The following SYT1 variants were observed in gnomAD, a reference collection of about 807,000 sequenced individuals.
The protein encoded by SYT1 is synaptotagmin-1.
In SYT1, 8 loss-of-function variants were observed where a neutral mutation model predicts 44.8. The ratio of observed to expected loss-of-function variants is 0.18; its 90% confidence interval spans 0.10 to 0.32. The LOEUF (loss-of-function observed/expected upper bound fraction) is 0.32. SYT1 is among the 10% of genes least tolerant of loss of function. The probability of loss-of-function intolerance (pLI) is 1.00; values close to 1 mark genes in which losing one functional copy is unlikely to be tolerated. For synonymous variants in SYT1, 154 were observed against 188.8 expected (o/e 0.82, Z 1.51); for missense variants, 286 against 509.3 (o/e 0.56, Z 4.22).
chr12:79,321,856 A>G (rs1053578977), intron 8 of SYT1, among the ~76,000 whole-genome samples: 1 of 152,216 alleles, frequency 6.6e-6, no homozygotes, highest in Non-Finnish European at 1.5e-5. Context: ...AAACCAGTTC[A>G]TCATGTGTAA....
chr12:79,258,041 GT>G (rs1408398573), intron 4 of SYT1, among the ~76,000 whole-genome samples: 1 of 152,214 alleles, frequency 6.6e-6, no homozygotes, highest in East Asian at 1.9e-4. Context: ...AAAATCAACT[GT>G]TTAGATGAAG....
chr12:79,136,194 C>T (rs1446348667), intron 3 of SYT1, among the ~76,000 whole-genome samples: 3 of 152,156 alleles, frequency 2.0e-5, no homozygotes, highest in African/African-American at 4.8e-5. Context: ...GTAGAATAGA[C>T]ATCCTTTCAG....
intron 4 of SYT1, among the ~76,000 whole-genome samples, chr12:79,252,186 C>G (rs1205391373): frequency 1.3e-5 from 2 of 152,100 alleles, no homozygotes; most frequent in African/African-American, 4.8e-5. Flanking sequence ...CAAGAACCTA[C>G]TCTGAGATTT....
intron 9 of SYT1, among the ~76,000 whole-genome samples, chr12:79,376,555 T>C (rs1477214316): frequency 6.6e-6 from 1 of 152,172 alleles, no homozygotes; most frequent in Admixed American, 6.5e-5. Context: ...ACCTGTATTT[T>C]ATGCTGACCT....
chr12:79,219,683 T>C (rs560271325), intron 4 of SYT1, among the ~76,000 whole-genome samples: 9 of 152,196 alleles, frequency 5.9e-5, no homozygotes, highest in African/African-American at 1.7e-4. Flanking sequence ...CTGGGTTCTC[T>C]TTCTGTTTCA....
intron 3 of SYT1, among the ~76,000 whole-genome samples, chr12:79,099,230 C>T (rs905468894): frequency 6.6e-6 from 1 of 152,054 alleles, no homozygotes; most frequent in Non-Finnish European, 1.5e-5. Flanking sequence ...ACTAAATACT[C>T]CCTACAATTA....
At chr12:79,359,766 CT>C (rs553088621) in intron 9 of SYT1, among the ~76,000 whole-genome samples, 69 of 152,172 alleles carry the variant, frequency 4.5e-4, no homozygotes, top group Middle Eastern at 3.4e-3. Context: ...TCTCTAGCTC[CT>C]TTTCTACTGT....
chr12:79,154,956 A>G (rs909350168), intron 3 of SYT1, among the ~76,000 whole-genome samples: 2 of 152,160 alleles, frequency 1.3e-5, no homozygotes, highest in Non-Finnish European at 2.9e-5. Context: ...CTACTCCCAC[A>G]TGAAACAGCC....
intron 3 of SYT1, among the ~76,000 whole-genome samples, chr12:79,176,705 T>C (rs1871893076): frequency 6.6e-6 from 1 of 152,058 alleles, no homozygotes; most frequent in African/African-American, 2.4e-5. Context: ...ACATATACCT[T>C]TGCTTACACC....
intron 3 of SYT1, among the ~76,000 whole-genome samples, chr12:79,178,969 T>TATAGATATAG (rs1555204670): frequency 4.3e-5 from 2 of 46,868 alleles, no homozygotes; most frequent in East Asian, 1.2e-3. Context: ...TAGATATAGA[T>TATAGATATAG]ATATAGATAT....
At chr12:79,229,901 T>C (rs1875763541) in intron 4 of SYT1, among the ~76,000 whole-genome samples, 1 of 152,070 alleles carries the variant, frequency 6.6e-6, no homozygotes, top group South Asian at 2.1e-4. Context: ...AGCCAAGCAG[T>C]AGTTCTTAAT....
chr12:78,968,103 T>G (rs985906230), intron 1 of SYT1, among the ~76,000 whole-genome samples: 4 of 152,120 alleles, frequency 2.6e-5, no homozygotes, highest in Non-Finnish European at 5.9e-5. Context: ...CTATGAAAAT[T>G]TAATTGTAAA....
intron 9 of SYT1, among the ~76,000 whole-genome samples, chr12:79,382,284 G>C (rs1464637324): frequency 1.3e-5 from 2 of 152,146 alleles, no homozygotes; most frequent in African/African-American, 2.4e-5. Context: ...GTGAAAGAGA[G>C]TGCTGCTTTC....
intron 5 of SYT1, among the ~76,000 whole-genome samples, chr12:79,288,948 A>G (rs1475232749): frequency 6.6e-6 from 1 of 152,110 alleles, no homozygotes; most frequent in Non-Finnish European, 1.5e-5. Context: ...ACACACATCA[A>G]GAGGCTGAAC....
chr12:79,024,449 A>G (rs2137638623), intron 2 of SYT1, among the ~76,000 whole-genome samples: 1 of 151,966 alleles, frequency 6.6e-6, no homozygotes, highest in Middle Eastern at 3.4e-3. Context: ...GTATGTTAAT[A>G]TAATGTGTAA....
chr12:79,160,326 A>G (rs1870870921), intron 3 of SYT1, among the ~76,000 whole-genome samples: 1 of 152,158 alleles, frequency 6.6e-6, no homozygotes, highest in Non-Finnish European at 1.5e-5. Flanking sequence ...TATTGGCCCT[A>G]GCTCAGAAAA....
At chr12:79,309,001 A>T (rs1470943763) in intron 8 of SYT1, among the ~76,000 whole-genome samples, 1 of 152,244 alleles carries the variant, frequency 6.6e-6, no homozygotes, top group Non-Finnish European at 1.5e-5. Context: ...GTGCTGGCAG[A>T]CCAGCTGCCA....
intron 1 of SYT1, among the ~76,000 whole-genome samples, chr12:78,915,415 G>T (rs1355516995): frequency 2.0e-5 from 3 of 151,994 alleles, no homozygotes; most frequent in African/African-American, 7.2e-5. Flanking sequence ...CTCTGGCCTC[G>T]CTGATAGACT....
At chr12:79,149,761 C>T (rs1292827701) in intron 3 of SYT1, among the ~76,000 whole-genome samples, 1 of 152,152 alleles carries the variant, frequency 6.6e-6, no homozygotes, top group Non-Finnish European at 1.5e-5. Context: ...CACTGAACTT[C>T]CCCTGTTAAA....
Sources: gnomAD v4.1 joint callset for allele counts (sites outside exome capture counted in the v4.1 genomes callset) on GRCh38, gnomAD v4.1.1 for gene constraint, MANE v1.5 for transcripts, NCBI Gene and HGNC (gene_info 2026-07-23, HGNC 2026-07-21) for gene names.